Variants in FAM117B observed in about 807,000 individuals in gnomAD.
FAM117B encodes the protein protein FAM117B.
In FAM117B, 22 loss-of-function variants were observed where a neutral mutation model predicts 52.8. The observed-to-expected ratio is 0.42, with a 90% confidence interval of 0.30 to 0.59. The LOEUF (loss-of-function observed/expected upper bound fraction) is 0.59, where lower values mean the gene tolerates loss of function less well. Among genes scored for constraint, FAM117B ranks in the 20% least tolerant of loss-of-function variants. The pLI, the probability that FAM117B is intolerant of heterozygous loss-of-function variation, is 0.22. For missense variants in FAM117B, 678 were observed against 802.6 expected, an observed-to-expected ratio of 0.84 and a Z score of 1.88; for synonymous variants, 309 against 324.1, an observed-to-expected ratio of 0.95 and a Z score of 0.50.
chr2:202,648,825 G>C (rs1689911146), intron 1 of FAM117B, among the ~76,000 whole-genome samples: 1 of 151,848 alleles, frequency 6.6e-6, no homozygotes, highest in African/African-American at 2.4e-5. Flanking sequence ...GCAGTTGGGT[G>C]ATCTTGGCTC....
chr2:202,710,356 TTA>T (rs1345461308), intron 2 of FAM117B, among the ~76,000 whole-genome samples: 2 of 152,186 alleles, frequency 1.3e-5, no homozygotes, highest in African/African-American at 4.8e-5. Flanking sequence ...ATGATTATTC[TTA>T]TGTTATTTTT....
intron 1 of FAM117B, among the ~76,000 whole-genome samples, chr2:202,662,366 T>A (rs1690143184): frequency 6.6e-6 from 1 of 151,930 alleles, no homozygotes; most frequent in African/African-American, 2.4e-5. Context: ...GAATATTGAT[T>A]ACCAGAGGCT....
chr2:202,760,876 A>G (rs976784607), intron 7 of FAM117B, among the ~76,000 whole-genome samples: 1 of 152,192 alleles, frequency 6.6e-6, no homozygotes, highest in Non-Finnish European at 1.5e-5. Context: ...GTTAGCCCAA[A>G]TGTACTTTTT....
intron 3 of FAM117B, 132 bp downstream of exon 3, chr2:202,725,141 C>T (rs1559110398): frequency 1.8e-6 from 1 of 557,734 alleles, no homozygotes; most frequent in African/African-American, 1.9e-5. Context: ...TCTGAAATAA[C>T]AAAAACAATT....
At chr2:202,670,950 A>C (rs533941263) in intron 1 of FAM117B, among the ~76,000 whole-genome samples, 1 of 152,364 alleles carries the variant, frequency 6.6e-6, no homozygotes, top group Admixed American at 6.5e-5. Flanking sequence ...TAAAGCTGCA[A>C]ATAAATTTGC....
intron 2 of FAM117B, among the ~76,000 whole-genome samples, chr2:202,718,949 C>T (rs924123407): frequency 2.0e-5 from 3 of 152,136 alleles, no homozygotes; most frequent in Admixed American, 1.3e-4. Context: ...AGAAGCTCTT[C>T]GAGAATAAGA....
intron 4 of FAM117B, among the ~76,000 whole-genome samples, chr2:202,728,888 A>G (rs1201486877): frequency 6.6e-6 from 1 of 152,222 alleles, no homozygotes; most frequent in Non-Finnish European, 1.5e-5. Flanking sequence ...AAGAAAATAG[A>G]GAAACTTGAA....
intron 1 of FAM117B, among the ~76,000 whole-genome samples, chr2:202,672,211 C>G (rs1690309233): frequency 6.6e-6 from 1 of 152,128 alleles, no homozygotes; most frequent in African/African-American, 2.4e-5. Flanking sequence ...CACCACCTGC[C>G]TCCCCCTCCT....
intron 1 of FAM117B, among the ~76,000 whole-genome samples, chr2:202,655,114 T>C (rs1690032156): frequency 6.6e-6 from 1 of 152,194 alleles, no homozygotes; most frequent in African/African-American, 2.4e-5. Context: ...TTTTTCAGAA[T>C]GTCATATGAA....
intron 2 of FAM117B, among the ~76,000 whole-genome samples, chr2:202,716,407 C>T (rs902085930): frequency 2.6e-5 from 4 of 152,108 alleles, no homozygotes; most frequent in Non-Finnish European, 5.9e-5. Context: ...TGAAGACTTA[C>T]TCCTGCCATT....
intron 1 of FAM117B, among the ~76,000 whole-genome samples, chr2:202,655,707 TGAGAGAGAGAGAGAGAGAGAGA>T (rs60423652): frequency 3.8e-4 from 38 of 98,892 alleles, no homozygotes; most frequent in East Asian, 2.5e-3. Context: ...GGGAAGAGAG[TGAGAGAGAGAGAGAGAGAGAGA>T]GAGAGAGAGA....
chr2:202,674,435 T>C (rs1453781865), intron 1 of FAM117B, among the ~76,000 whole-genome samples: 1 of 152,252 alleles, frequency 6.6e-6, no homozygotes, highest in Non-Finnish European at 1.5e-5. Flanking sequence ...TTAGTATAAC[T>C]GATGAAGTTG....
At chr2:202,760,901 C>T (rs887915270) in intron 7 of FAM117B, among the ~76,000 whole-genome samples, 3 of 152,112 alleles carry the variant, frequency 2.0e-5, no homozygotes, top group Non-Finnish European at 2.9e-5. Context: ...GTTGTGCCTG[C>T]CCCCCTCCAC....
At chr2:202,677,063 CT>C (rs545082900) in intron 1 of FAM117B, among the ~76,000 whole-genome samples, 261 of 140,542 alleles carry the variant, frequency 1.9e-3, no homozygotes, top group Admixed American at 2.8e-3. Flanking sequence ...GGTTTCTTTT[CT>C]TTTTTTTTTT....
At chr2:202,645,115 TTTA>T (rs1264597636) in intron 1 of FAM117B, among the ~76,000 whole-genome samples, 1 of 152,168 alleles carries the variant, frequency 6.6e-6, no homozygotes, top group Non-Finnish European at 1.5e-5. Flanking sequence ...GCATTTCTTT[TTTA>T]TTATTTTTCA....
intron 1 of FAM117B, among the ~76,000 whole-genome samples, chr2:202,683,322 CTG>C (rs987830559): frequency 6.6e-6 from 1 of 151,692 alleles, no homozygotes; most frequent in African/African-American, 2.4e-5. Context: ...GGGTGAGACT[CTG>C]TCTCAAAAAA....
chr2:202,696,115 A>G, intron 2 of FAM117B, 83 bp downstream of exon 2: 2 of 1,429,372 alleles, frequency 1.4e-6, no homozygotes, highest in African/African-American at 1.4e-5. Flanking sequence ...TTTGAGTAGA[A>G]CAAACATTTA....
At chr2:202,758,451 T>C (rs141052347) in intron 6 of FAM117B, among the ~76,000 whole-genome samples, 3 of 152,342 alleles carry the variant, frequency 2.0e-5, no homozygotes, top group African/African-American at 7.2e-5. Flanking sequence ...ATAAATGTTG[T>C]GTCCTGATCC....
Position 202,639,622 on chromosome 2 carries a change from A to G in FAM117B, c.601+3834A>G, listed in dbSNP as rs1184474784. Among the ~76,000 whole-genome samples, 3 of 152,204 alleles carry G rather than the reference A, an allele frequency of 2.0e-5. No homozygotes were observed. The East Asian group carries it at 5.8e-4, about 29-fold the overall frequency. Reference sequence around the variant, plus strand: ...TGAGGAGGATATACTTTGGGTAGACAGTTTGAGTTTAATACCTGTGTTCTG... The same window carrying G: ...TGAGGAGGATATACTTTGGGTAGACGGTTTGAGTTTAATACCTGTGTTCTG... On this transcript the variant is annotated intron_variant, in intron 1 of 7. Coordinates refer to ENST00000392238, the MANE Select transcript of FAM117B (RefSeq NM_173511.4).
Sources: allele counts gnomAD v4.1 joint callset (sites outside exome capture counted in the v4.1 genomes callset), GRCh38; gene constraint gnomAD v4.1.1; transcripts MANE v1.5; gene names NCBI Gene and HGNC (gene_info 2026-07-23, HGNC 2026-07-21).